Variants in TENM3 observed in about 807,000 individuals in gnomAD.
TENM3 encodes the protein teneurin transmembrane protein 3.
A neutral mutation model predicts 255.1 loss-of-function variants in TENM3; 63 were observed. That is an observed-to-expected ratio of 0.25 (90% CI 0.20 to 0.30). The LOEUF (loss-of-function observed/expected upper bound fraction) is 0.30. TENM3 is among the 10% of genes least tolerant of loss of function. The pLI, the probability that TENM3 is intolerant of heterozygous loss-of-function variation, is 1.00. For synonymous variants in TENM3, 1,306 were observed against 1,322.3 expected (o/e 0.99, Z 0.27); for missense variants, 2,929 against 3,461.1 (o/e 0.85, Z 3.86).
At chr4:182,095,916 G>T in the TENM3 span, among the ~76,000 whole-genome samples, 9 of 151,302 alleles carry the variant, frequency 5.9e-5, no homozygotes, top group Non-Finnish European at 1.2e-4. Flanking sequence ...GGAAAGAAAA[G>T]GAAATTTTTT....
the TENM3 span, among the ~76,000 whole-genome samples, chr4:181,751,764 T>C: frequency 1.3e-5 from 2 of 152,166 alleles, no homozygotes; most frequent in African/African-American, 4.8e-5. Flanking sequence ...TTAGTTTTTT[T>C]CCACGTAAAT....
At chr4:182,492,362 A>G (rs917368115) in intron 3 of TENM3, among the ~76,000 whole-genome samples, 9 of 152,188 alleles carry the variant, frequency 5.9e-5, no homozygotes, top group African/African-American at 1.9e-4. Flanking sequence ...GGTGTCAGAA[A>G]CTGTCTTCCA....
chr4:182,563,478 A>G (rs1443199311), intron 3 of TENM3, among the ~76,000 whole-genome samples: 3 of 152,120 alleles, frequency 2.0e-5, no homozygotes, highest in Admixed American at 1.3e-4. Context: ...GGAAACTTTC[A>G]CTTTTACTTG....
the TENM3 span, among the ~76,000 whole-genome samples, chr4:181,984,644 A>G: frequency 6.6e-6 from 1 of 152,230 alleles, no homozygotes; most frequent in East Asian, 1.9e-4. Context: ...GCAGAGTAGC[A>G]TGTTCCAAAG....
At chr4:181,728,136 GGTGTTC>G in the TENM3 span, among the ~76,000 whole-genome samples, 3 of 152,078 alleles carry the variant, frequency 2.0e-5, no homozygotes, top group Non-Finnish European at 2.9e-5. Flanking sequence ...AAAAGATGGT[GGTGTTC>G]AATTTAATGA....
chr4:181,677,154 C>T, the TENM3 span, among the ~76,000 whole-genome samples: 1 of 151,980 alleles, frequency 6.6e-6, no homozygotes, highest in Non-Finnish European at 1.5e-5. Context: ...CACCTGTGTC[C>T]ATTGCGTTCT....
chr4:181,577,735 G>A, the TENM3 span, among the ~76,000 whole-genome samples: 2 of 151,886 alleles, frequency 1.3e-5, no homozygotes, highest in Admixed American at 6.6e-5. Context: ...ATTTTGGTGG[G>A]GGTGAAGGAT....
the TENM3 span, among the ~76,000 whole-genome samples, chr4:181,777,519 C>T: frequency 6.6e-6 from 1 of 151,986 alleles, no homozygotes; most frequent in Admixed American, 6.6e-5. Flanking sequence ...TCTAACAATG[C>T]TAATTCTTCT....
the TENM3 span, among the ~76,000 whole-genome samples, chr4:181,789,336 AC>A: frequency 6.6e-6 from 1 of 151,104 alleles, no homozygotes; most frequent in East Asian, 2.0e-4. Context: ...GCTCACTGCA[AC>A]CTCCACCTCC....
chr4:182,162,854 G>A (rs150933185), intron 1 of TENM3, among the ~76,000 whole-genome samples: 4 of 152,206 alleles, frequency 2.6e-5, no homozygotes, highest in East Asian at 3.9e-4. Context: ...GAGCCTTCGC[G>A]GCCTAATTCC....
chr4:182,605,427 A>G (rs1270374972), intron 4 of TENM3, among the ~76,000 whole-genome samples: 1 of 152,000 alleles, frequency 6.6e-6, no homozygotes, highest in East Asian at 1.9e-4. Context: ...CAAAAATTTC[A>G]AAATTGGACC....
chr4:182,065,375 A>G, the TENM3 span, among the ~76,000 whole-genome samples: 513 of 152,252 alleles, frequency 3.4e-3, 4 homozygotes, highest in African/African-American at 0.012. Flanking sequence ...TAATTGGATC[A>G]CCGTTGCACG....
chr4:181,641,788 TATATATACACACACACC>T, the TENM3 span, among the ~76,000 whole-genome samples: 41 of 104,420 alleles, frequency 3.9e-4, no homozygotes, highest in African/African-American at 1.5e-3. Flanking sequence ...ACACACCATA[TATATATACACACACACC>T]ATATATATAT....
chr4:182,716,351 C>A (rs1473305236), intron 13 of TENM3, among the ~76,000 whole-genome samples: 2 of 152,144 alleles, frequency 1.3e-5, no homozygotes, highest in Non-Finnish European at 2.9e-5. Context: ...TTTTCCTTTT[C>A]CTCAAAATTT....
At chr4:182,166,880 T>TC (rs1002920887) in intron 1 of TENM3, among the ~76,000 whole-genome samples, 1 of 152,126 alleles carries the variant, frequency 6.6e-6, no homozygotes, top group Non-Finnish European at 1.5e-5. Flanking sequence ...CTCTTGGGTT[T>TC]TTTTTTTAAA....
the TENM3 span, among the ~76,000 whole-genome samples, chr4:181,457,144 T>C: frequency 6.6e-6 from 1 of 151,970 alleles, no homozygotes; most frequent in East Asian, 1.9e-4. Flanking sequence ...TCTAAGTTAG[T>C]ATTTTATATT....
At chr4:182,772,830 A>C (rs1764370320) in intron 22 of TENM3, among the ~76,000 whole-genome samples, 1 of 152,218 alleles carries the variant, frequency 6.6e-6, no homozygotes, top group Non-Finnish European at 1.5e-5. Flanking sequence ...ACAGTAAATC[A>C]CCATGCAAGA....
At chr4:182,547,283 T>C (rs1204499847) in intron 3 of TENM3, among the ~76,000 whole-genome samples, 1 of 152,194 alleles carries the variant, frequency 6.6e-6, no homozygotes, top group Non-Finnish European at 1.5e-5. Context: ...TAATGTTTTA[T>C]AGATTTATTT....
chr4:182,712,923 G>A (rs1380227838), intron 12 of TENM3, among the ~76,000 whole-genome samples: 1 of 152,142 alleles, frequency 6.6e-6, no homozygotes, highest in Non-Finnish European at 1.5e-5. Flanking sequence ...GAATTTTAGA[G>A]CATTTCTCTC....
Sources: gnomAD v4.1 joint callset for allele counts (sites outside exome capture counted in the v4.1 genomes callset) on GRCh38, gnomAD v4.1.1 for gene constraint, MANE v1.5 for transcripts, NCBI Gene and HGNC (gene_info 2026-07-23, HGNC 2026-07-21) for gene names.